SPTLC1: variants seen among roughly 807,000 people sequenced by gnomAD.
The protein encoded by SPTLC1 is serine palmitoyltransferase 1.
In SPTLC1, 55 loss-of-function variants were observed where a neutral mutation model predicts 68.9. The ratio of observed to expected loss-of-function variants is 0.80; its 90% confidence interval spans 0.64 to 1.00. The LOEUF (loss-of-function observed/expected upper bound fraction) is 1.00. SPTLC1 is among the 50% of genes least tolerant of loss of function. SPTLC1 has a pLI of 0.00. For synonymous variants in SPTLC1, 197 were observed against 201.6 expected (o/e 0.98, Z 0.19); for missense variants, 449 against 573.1 (o/e 0.78, Z 2.21).
chr9:92,049,858 G>A lies in SPTLC1; in HGVS notation c.888+102C>T, dbSNP rs550303398. 23 of 888,398 alleles carry A rather than the reference G, an allele frequency of 2.6e-5. No individual in the cohort carries two copies. The African/African-American group carries it at 3.8e-4, about 15-fold the overall frequency. The allele number at this position is 888,398 out of a possible 1,614,324, so 55.0% of individuals were successfully genotyped here. The stretch of plus-strand genomic sequence containing the variant: ...CCAAAGTTTCGTGACCCTTCAAACT[G>A]ATAAGGAACACTGTCTTGTGCCTAT... On this transcript the variant is annotated intron_variant, in intron 9 of 14. Transcript: ENST00000262554.
chr9:92,080,743 T>G, intron 4 of SPTLC1, 127 bp downstream of exon 4: 1 of 755,220 alleles, frequency 1.3e-6, no homozygotes, highest in Non-Finnish European at 2.3e-6. Flanking sequence ...TTTCACCATG[T>G]TGGCCAGGCT....
chr9:92,063,651 A>C (rs1192883011), intron 6 of SPTLC1, among the ~76,000 whole-genome samples: 2 of 152,138 alleles, frequency 1.3e-5, no homozygotes, highest in African/African-American at 2.4e-5. Flanking sequence ...AAAAAAAATT[A>C]TACCCCATAA....
At chr9:92,034,364 T>C (rs1587899261) in intron 14 of SPTLC1, among the ~76,000 whole-genome samples, 1 of 152,370 alleles carries the variant, frequency 6.6e-6, no homozygotes, top group East Asian at 1.9e-4. Flanking sequence ...CTGTACATTT[T>C]CCCCACTGTT....
rs1832980091 is a variant in SPTLC1, at chr9:92,032,015, A to G, written c.*450T>C. On this transcript the variant is annotated 3_prime_UTR_variant, in exon 15 of 15. Transcript: ENST00000262554. ...GATCTTCAATATAAATTTGTACCAC[A>G]TATGTTGAAGTGTTCCTCTTAGCTT... is the stretch of plus-strand genomic sequence containing the variant. The G allele has an allele frequency of 2.6e-6, 1 of 383,532 alleles. No homozygotes were observed. Among genetic ancestry groups the G allele is most frequent in the Middle Eastern group, 7.0e-4 (1 of 1,426 alleles). The allele number at this position is 383,532 out of a possible 1,614,324, so 23.8% of individuals were successfully genotyped here.
chr9:92,102,927 G>C (rs1398478281), intron 3 of SPTLC1, among the ~76,000 whole-genome samples: 1 of 151,342 alleles, frequency 6.6e-6, no homozygotes, highest in Non-Finnish European at 1.5e-5. Context: ...CCCTCTCTTG[G>C]GCATAAGAAA....
chr9:92,059,265 A>T lies in SPTLC1; in HGVS notation c.604T>A (p.Ser202Thr), dbSNP rs563267736. Residue 202 changes from serine (S) to threonine (T), a missense_variant, in exon 7 of 15, where the codon TCC becomes ACC. Transcript: ENST00000262554. ...CFAIQKGLQASRSDIKLFKHN... is the reference protein window; with the variant it reads ...CFAIQKGLQATRSDIKLFKHN... ...TTAAATAACTTAATGTCACTACGGG[A>T]TGCCTGTAATCCTTTCTGAATAGCA... 1 of 1,614,086 alleles carries T rather than the reference A, an allele frequency of 6.2e-7. No individual in the cohort carries two copies. Among genetic ancestry groups the T allele is most frequent in the African/African-American group, 1.3e-5 (1 of 75,066 alleles).
chr9:92,107,244 G>A (rs1292743314), intron 3 of SPTLC1, among the ~76,000 whole-genome samples: 2 of 152,106 alleles, frequency 1.3e-5, no homozygotes, highest in East Asian at 1.9e-4. Flanking sequence ...AAGGAGATAC[G>A]AATATATCCA....
At chr9:92,083,559 G>A (rs887703531) in intron 3 of SPTLC1, among the ~76,000 whole-genome samples, 2 of 152,154 alleles carry the variant, frequency 1.3e-5, no homozygotes, top group Non-Finnish European at 2.9e-5. Context: ...GTAGATATGT[G>A]GCGTTATTTC....
At chr9:92,108,937 T>G (rs1454013864) in intron 2 of SPTLC1, 103 bp from the exon 3 acceptor site, 3 of 1,542,908 alleles carry the variant, frequency 1.9e-6, no homozygotes, top group African/African-American at 2.7e-5. Flanking sequence ...CTACTAACTA[T>G]TCTCAAGTTC....
intron 12 of SPTLC1, among the ~76,000 whole-genome samples, chr9:92,041,921 G>A (rs868125111): frequency 2.0e-5 from 3 of 152,182 alleles, no homozygotes; most frequent in Non-Finnish European, 2.9e-5. Flanking sequence ...TTAAAAAAAG[G>A]CCTTCAAATT....
chr9:92,113,193 C>T (rs74881899), intron 1 of SPTLC1, among the ~76,000 whole-genome samples: 2,053 of 152,242 alleles, frequency 0.013, 54 homozygotes, highest in African/African-American at 0.046. Context: ...TTTGGGTACA[C>T]TATACAAGAC....
intron 3 of SPTLC1, among the ~76,000 whole-genome samples, chr9:92,084,039 G>C (rs1229209702): frequency 6.6e-6 from 1 of 151,952 alleles, no homozygotes; most frequent in Non-Finnish European, 1.5e-5. Flanking sequence ...TTGGCTCTCT[G>C]TTTGTCTGTT....
intron 6 of SPTLC1, among the ~76,000 whole-genome samples, chr9:92,063,104 T>A (rs1447234925): frequency 6.6e-6 from 1 of 151,976 alleles, no homozygotes; most frequent in East Asian, 1.9e-4. Context: ...AAAAGATCAA[T>A]AAAATTGACA....
chr9:92,091,953 G>A (rs964158219), intron 3 of SPTLC1, among the ~76,000 whole-genome samples: 5 of 152,102 alleles, frequency 3.3e-5, no homozygotes, highest in East Asian at 1.9e-4. Flanking sequence ...CATTCAAAAC[G>A]ATGTAAAAAT....
intron 2 of SPTLC1, chr9:92,110,726 T>G (rs76507153): frequency 6.6e-6 from 1 of 152,200 alleles, no homozygotes; most frequent in Non-Finnish European, 1.5e-5. Flanking sequence ...ATTTTAAACA[T>G]GCATTTCACT....
intron 3 of SPTLC1, among the ~76,000 whole-genome samples, chr9:92,093,540 A>G (rs1044515963): frequency 6.6e-6 from 1 of 152,192 alleles, no homozygotes; most frequent in African/African-American, 2.4e-5. Flanking sequence ...TACATAAAAA[A>G]CTCAACGAAA....
intron 12 of SPTLC1, among the ~76,000 whole-genome samples, chr9:92,040,393 C>CA (rs941134502): frequency 4.6e-5 from 7 of 150,628 alleles, no homozygotes; most frequent in South Asian, 4.2e-4. Context: ...AAAACAAAAG[C>CA]AAAAAACAAA....
chr9:92,091,204 C>T (rs527752989), intron 3 of SPTLC1, among the ~76,000 whole-genome samples: 138 of 152,252 alleles, frequency 9.1e-4, no homozygotes, highest in South Asian at 5.6e-3. Flanking sequence ...AATACATATT[C>T]CTGGGAGCGG....
intron 12 of SPTLC1, 69 bp from the exon 13 acceptor site, chr9:92,038,434 A>G (rs754957275): frequency 3.0e-6 from 3 of 1,000,888 alleles, no homozygotes; most frequent in Non-Finnish European, 4.8e-6. Flanking sequence ...CGGAGAAATA[A>G]TGTTAGAAGT....
Sources: allele counts gnomAD v4.1 joint callset (sites outside exome capture counted in the v4.1 genomes callset), GRCh38; gene constraint gnomAD v4.1.1; transcripts MANE v1.5; gene names NCBI Gene and HGNC (gene_info 2026-07-23, HGNC 2026-07-21).